Variants in MYO1B observed in about 807,000 individuals in gnomAD.
MYO1B encodes unconventional myosin-Ib.
In MYO1B, 72 loss-of-function variants were observed where a neutral mutation model predicts 159.7. The ratio of observed to expected loss-of-function variants is 0.45; its 90% CI spans 0.37 to 0.55. The LOEUF (loss-of-function observed/expected upper bound fraction) is 0.55. Among genes scored for constraint, MYO1B ranks in the 20% least tolerant of loss-of-function variants. MYO1B has a pLI of 0.00. For missense variants in MYO1B, 1,062 were observed against 1,364.8 expected (o/e 0.78, Z 3.50); for synonymous variants, 468 against 473.8 (o/e 0.99, Z 0.16).
At chr2:191,398,860 G>T (rs1250645837) in intron 21 of MYO1B, among the ~76,000 whole-genome samples, 4 of 152,080 alleles carry the variant, frequency 2.6e-5, no homozygotes, top group East Asian at 3.9e-4. Flanking sequence ...TTCCCAGACG[G>T]GGTGGCGGCC....
chr2:191,263,738 G>T (rs1333965908), intron 1 of MYO1B: 1 of 152,138 alleles, frequency 6.6e-6, no homozygotes, highest in Non-Finnish European at 1.5e-5. Flanking sequence ...TTATTAACAT[G>T]TGCTGTATTC....
chr2:191,348,705 A>G (rs1158977827), intron 6 of MYO1B, among the ~76,000 whole-genome samples: 2 of 151,984 alleles, frequency 1.3e-5, no homozygotes, highest in African/African-American at 2.4e-5. Context: ...AAAGCCACCA[A>G]CATTTCTCCA....
intron 15 of MYO1B, among the ~76,000 whole-genome samples, chr2:191,385,606 T>A (rs1559221964): frequency 6.6e-6 from 1 of 152,142 alleles, no homozygotes; most frequent in Non-Finnish European, 1.5e-5. Flanking sequence ...CAGGCTAAGG[T>A]GTCTGAGGCA....
At chr2:191,294,029 A>G (rs557545907) in intron 2 of MYO1B, among the ~76,000 whole-genome samples, 1 of 152,334 alleles carries the variant, frequency 6.6e-6, no homozygotes, top group Non-Finnish European at 1.5e-5. Context: ...TGATTTGGTC[A>G]TTTAGTTAAC....
Position 191,398,398 on chromosome 2 carries a change from G to A in MYO1B, c.2295+1901G>A, listed in dbSNP as rs532949046. ...AGAGGAGCCCCTCACCTCCCGGACG[G>A]GGCGGCTGGCCGGGCGGGGGGCTGA... On this transcript the variant is annotated intron_variant, in intron 21 of 30. Coordinates refer to ENST00000392318, the MANE Select transcript of MYO1B (RefSeq NM_001130158.3). Among the ~76,000 whole-genome samples the A allele has an allele frequency of 1.7e-3, 172 of 103,118 alleles. 4 individuals carry two copies. The highest frequency in any genetic ancestry group is 4.8e-3 in the African/African-American group (164 of 34,010). 67.6% of individuals were successfully genotyped at this position (103,118 alleles called of 152,430 possible).
At chr2:191,258,050 G>A (rs1464597554) in intron 1 of MYO1B, among the ~76,000 whole-genome samples, 1 of 152,154 alleles carries the variant, frequency 6.6e-6, no homozygotes, top group Non-Finnish European at 1.5e-5. Flanking sequence ...TTTTAAATTA[G>A]AACCAATATA....
chr2:191,323,793 G>A (rs1369387153), intron 3 of MYO1B, among the ~76,000 whole-genome samples: 1 of 151,854 alleles, frequency 6.6e-6, no homozygotes, highest in African/African-American at 2.4e-5. Flanking sequence ...TTTTTGTTTT[G>A]TAGCCAGTAA....
At chr2:191,345,375 A>G (rs1692500433) in intron 5 of MYO1B, among the ~76,000 whole-genome samples, 1 of 152,196 alleles carries the variant, frequency 6.6e-6, no homozygotes, top group Non-Finnish European at 1.5e-5. Flanking sequence ...TTAATCTTCT[A>G]CTACCATGGC....
At chr2:191,285,688 A>T (rs1356746221) in intron 2 of MYO1B, among the ~76,000 whole-genome samples, 1 of 152,208 alleles carries the variant, frequency 6.6e-6, no homozygotes, top group African/African-American at 2.4e-5. Context: ...TTTGAAGTGG[A>T]CAGCCGATGG....
chr2:191,257,604 A>G (rs1214920253), intron 1 of MYO1B, among the ~76,000 whole-genome samples: 1 of 152,230 alleles, frequency 6.6e-6, no homozygotes, highest in Non-Finnish European at 1.5e-5. Context: ...TGGGTGGAGA[A>G]ATGGACTTTC....
At chr2:191,422,822 GC>G (rs988135729) in intron 30 of MYO1B, among the ~76,000 whole-genome samples, 2 of 152,022 alleles carry the variant, frequency 1.3e-5, no homozygotes, top group Admixed American at 1.3e-4. Flanking sequence ...TTTAATAGGA[GC>G]CCCCTCCCAT....
Position 191,408,097 on chromosome 2 carries a change from T to C in MYO1B, c.2557-18T>C, listed in dbSNP as rs748487153. The C allele has an allele frequency of 1.9e-6, 3 of 1,585,354 alleles. No homozygotes were observed. The highest frequency in any genetic ancestry group is 1.1e-5 in the South Asian group (1 of 90,380). ...CAGCCACACATTAACCACTGTAACC[T>C]ACATCTTCTTTTTAAAGGTACGTAG... On this transcript the variant is annotated intron_variant, in intron 24 of 30. Coordinates refer to ENST00000392318, the MANE Select transcript of MYO1B (RefSeq NM_001130158.3).
Position 191,280,175 on chromosome 2 carries a change from G to A in MYO1B, c.135+3145G>A, listed in dbSNP as rs570725812. Among the ~76,000 whole-genome samples, 7 of 152,216 alleles carry A rather than the reference G, an allele frequency of 4.6e-5. No homozygotes were observed. The East Asian group carries it at 5.8e-4, about 13-fold the overall frequency. On this transcript the variant is annotated intron_variant, in intron 2 of 30. Coordinates refer to ENST00000392318, the MANE Select transcript of MYO1B (RefSeq NM_001130158.3). ...CCCCTAGTGATCCTCTGGATCTGTA[G>A]CAGCTGACGCTGGAAGCAGACTCCC... is the stretch of plus-strand genomic sequence containing the variant.
At chr2:191,348,520 C>T (rs879391048) in intron 6 of MYO1B, among the ~76,000 whole-genome samples, 2 of 152,194 alleles carry the variant, frequency 1.3e-5, no homozygotes, top group Non-Finnish European at 2.9e-5. Flanking sequence ...AGCTGCTTCA[C>T]CTCCTTGGTC....
At position 191,285,462 on chromosome 2, in the gene MYO1B, G is replaced by A. The variant is rs1163057857; in HGVS notation, c.135+8432G>A. Among the ~76,000 whole-genome samples the A allele has an allele frequency of 2.6e-5, 4 of 152,130 alleles. No individual in the cohort carries two copies. In the East Asian group the frequency reaches 5.8e-4, roughly 22 times the overall value. ...GCCACCGTCGGCAGCCACGGTTTGC[G>A]GGACGTCCTGGCCTCTGAATGAGCT... On this transcript the variant is annotated intron_variant, in intron 2 of 30. Coordinates refer to ENST00000392318, the MANE Select transcript of MYO1B (RefSeq NM_001130158.3).
At chr2:191,416,535 C>T (rs1697577492) in intron 30 of MYO1B, 1 of 294,854 alleles carries the variant, frequency 3.4e-6, no homozygotes, top group Non-Finnish European at 6.4e-6. Context: ...AGAGAGTAGG[C>T]CAGGCGCAGT....
At chr2:191,314,847 A>C (rs1690242088) in intron 3 of MYO1B, among the ~76,000 whole-genome samples, 1 of 152,206 alleles carries the variant, frequency 6.6e-6, no homozygotes, top group Non-Finnish European at 1.5e-5. Context: ...GGGAAGTTTC[A>C]GGTTATTGCG....
intron 3 of MYO1B, among the ~76,000 whole-genome samples, chr2:191,301,079 C>T (rs1362582391): frequency 1.3e-5 from 2 of 152,106 alleles, no homozygotes; most frequent in African/African-American, 4.8e-5. Flanking sequence ...GAACTGTCCC[C>T]GTTACGTGTG....
At chr2:191,321,106 G>A (rs1690681877) in intron 3 of MYO1B, among the ~76,000 whole-genome samples, 2 of 152,214 alleles carry the variant, frequency 1.3e-5, no homozygotes, top group East Asian at 1.9e-4. Flanking sequence ...TGGATATGAC[G>A]TACTTTAGAT....
Sources: allele counts gnomAD v4.1 joint callset (sites outside exome capture counted in the v4.1 genomes callset), GRCh38; gene constraint gnomAD v4.1.1; transcripts MANE v1.5; gene names NCBI Gene and HGNC (gene_info 2026-07-23, HGNC 2026-07-21).